The following MTA1 variants were observed in gnomAD, a reference collection of about 807,000 sequenced individuals.
MTA1 encodes metastasis-associated protein MTA1.
A neutral mutation model predicts 97.0 loss-of-function variants in MTA1; 15 were observed. The observed-to-expected ratio is 0.15, with a 90% CI of 0.10 to 0.24. The LOEUF is 0.24. MTA1 is among the 10% of genes least tolerant of loss of function. MTA1 has a pLI of 1.00. For missense variants in MTA1, 709 were observed against 1,015.1 expected (o/e 0.70, Z 4.10); for synonymous variants, 435 against 417.5 (o/e 1.04, Z -0.51).
intron 3 of MTA1, among the ~76,000 whole-genome samples, chr14:105,446,473 G>A (rs1321836592): frequency 6.6e-6 from 1 of 152,216 alleles, no homozygotes; most frequent in Non-Finnish European, 1.5e-5. Flanking sequence ...AGGGACTGTG[G>A]GTTTGCGGTG....
intron 7 of MTA1, among the ~76,000 whole-genome samples, chr14:105,456,198 G>A (rs2083146183): frequency 6.6e-6 from 1 of 152,274 alleles, no homozygotes; most frequent in East Asian, 1.9e-4. Context: ...CACCCAGGTG[G>A]AAAGGCAGAG....
At chr14:105,449,470 C>T (rs952096203) in intron 4 of MTA1, 61 bp downstream of exon 4, 5 of 1,566,510 alleles carry the variant, frequency 3.2e-6, no homozygotes, top group Non-Finnish European at 4.3e-6. Context: ...CTGGGGGCGG[C>T]AGCGCCGCTG....
Position 105,468,402 on chromosome 14 carries a change from G to A in MTA1, c.1814-1065G>A, listed in dbSNP as rs754403950. The A allele has an allele frequency of 7.1e-4, 921 of 1,299,172 alleles. 2 individuals carry two copies. Among genetic ancestry groups the A allele is most frequent in the Non-Finnish European group, 8.8e-4 (862 of 984,708 alleles). 80.5% of individuals were successfully genotyped at this position (1,299,172 alleles called of 1,614,324 possible). On this transcript the variant is annotated intron_variant, in intron 18 of 20. Coordinates refer to ENST00000331320, the MANE Select transcript of MTA1 (RefSeq NM_004689.4). ...CCCTGGGCGCTGGGCCTTGGCTTGT[G>A]GCAGGTGCCCTGAGGTATGGCTGTT...
Position 105,454,410 on chromosome 14 carries a change from T to G in MTA1, c.550+100T>G. 1 of 851,344 alleles carries G rather than the reference T, an allele frequency of 1.2e-6. No homozygotes were observed. The highest frequency in any genetic ancestry group is 2.0e-6 in the Non-Finnish European group (1 of 506,328). The allele number at this position is 851,344 out of a possible 1,614,324, so 52.7% of individuals were successfully genotyped here. On this transcript the variant is annotated intron_variant, in intron 7 of 20. Transcript: ENST00000331320. The stretch of plus-strand genomic sequence containing the variant: ...GGCTGGGACATGGCCGTGTCAGTGA[T>G]TCATGTGTGACTGGGGGCGGCAGGT...
chr14:105,421,833 G>A (rs1305962781), intron 1 of MTA1, among the ~76,000 whole-genome samples: 1 of 152,234 alleles, frequency 6.6e-6, no homozygotes, highest in Admixed American at 6.5e-5. Flanking sequence ...TCGTGGGGCT[G>A]CGCCGCCCTC....
chr14:105,460,797 C>T lies in MTA1; in HGVS notation c.786C>T (p.Ile262=), dbSNP rs1555430868. 1 of 1,606,154 alleles carries T rather than the reference C, an allele frequency of 6.2e-7. No individual in the cohort carries two copies. The highest frequency in any genetic ancestry group is 1.3e-5 in the African/African-American group (1 of 74,656). Residue 262 remains isoleucine (I), a synonymous_variant, in exon 10 of 21, where the codon ATC becomes ATT. Transcript: ENST00000331320. ...CCATGGATACTCTCCACAAGAACATCTACGACATCTCCAAGGCCATCTCGG... is the reference window on the plus strand; with the variant it reads ...CCATGGATACTCTCCACAAGAACATTTACGACATCTCCAAGGCCATCTCGG... ...FHAMDTLHKN[I]YDISKAISAL...
At chr14:105,469,724 G>A in intron 19 of MTA1, 117 bp from the exon 20 acceptor site, 1 of 1,428,344 alleles carries the variant, frequency 7.0e-7, no homozygotes, top group South Asian at 1.3e-5. Context: ...GGGGGTCCGT[G>A]TAACTCACTG....
intron 1 of MTA1, among the ~76,000 whole-genome samples, chr14:105,437,574 C>G (rs1466993315): frequency 6.6e-6 from 1 of 152,252 alleles, no homozygotes; most frequent in Non-Finnish European, 1.5e-5. Context: ...GAGATGCTCT[C>G]CAGGCCCCTC....
Position 105,420,303 on chromosome 14 carries a change from T to G in MTA1, c.28+240T>G, listed in dbSNP as rs2081784348. Among the ~76,000 whole-genome samples, 1 of 148,606 alleles carries G rather than the reference T, an allele frequency of 6.7e-6. No individual in the cohort carries two copies. The highest frequency in any genetic ancestry group is 1.5e-5 in the Non-Finnish European group (1 of 66,706). ...GCCCGGGGGTGGGGGGCGGCCCACC[T>G]GTTGGGGCCGAGGGGGCGGCCGCGG... On this transcript the variant is annotated intron_variant, in intron 1 of 20. Coordinates refer to ENST00000331320, the MANE Select transcript of MTA1 (RefSeq NM_004689.4). This position sits in a 1 kb window ranked among gnomAD's most constrained non-coding sequence, Gnocchi z 5.3.
chr14:105,429,162 C>G (rs1394373677), intron 1 of MTA1, among the ~76,000 whole-genome samples: 1 of 152,194 alleles, frequency 6.6e-6, no homozygotes, highest in East Asian at 1.9e-4. Flanking sequence ...TAGGGCCTCG[C>G]TCAGGCTGGG....
chr14:105,466,436 C>G lies in MTA1; in HGVS notation c.1635C>G (p.Pro545=). The G allele has an allele frequency of 7.1e-7, 1 of 1,403,456 alleles. No homozygotes were observed. Among genetic ancestry groups the G allele is most frequent in the Non-Finnish European group, 9.9e-7 (1 of 1,008,912 alleles). The allele number at this position is 1,403,456 out of a possible 1,614,324, so 86.9% of individuals were successfully genotyped here. A position where few individuals can be genotyped will look rare whatever the true frequency, so the allele number is the denominator to read the frequency against. The part of the protein sequence containing the change: ...EAVLRYLETH[P]RPPKPDPVKS... The stretch of plus-strand genomic sequence containing the variant: ...TGTCATTCCCGGCAGAGACCCACCC[C>G]CGCCCCCCCAAGCCTGACCCCGTGA... Residue 545 remains proline (P), a synonymous_variant, in exon 17 of 21, where the codon CCC becomes CCG. Coordinates refer to ENST00000331320, the MANE Select transcript of MTA1 (RefSeq NM_004689.4).
At chr14:105,423,215 ATTT>A (rs1166908446) in intron 1 of MTA1, among the ~76,000 whole-genome samples, 2 of 113,576 alleles carry the variant, frequency 1.8e-5, no homozygotes, top group Non-Finnish European at 3.6e-5. Context: ...TTTTTGTTTA[ATTT>A]TTTTTTTTTT....
intron 1 of MTA1, among the ~76,000 whole-genome samples, chr14:105,430,760 G>A (rs182145580): frequency 6.6e-5 from 10 of 152,212 alleles, no homozygotes; most frequent in East Asian, 1.9e-4. Flanking sequence ...GATGACTCAC[G>A]AGCTAAGAAT....
chr14:105,420,096 AC>A lies in MTA1; in HGVS notation c.28+36del. 3 of 866,006 alleles carry A rather than the reference AC, an allele frequency of 3.5e-6. No homozygotes were observed. The highest frequency in any genetic ancestry group is 4.2e-6 in the Non-Finnish European group (3 of 722,454). The allele number at this position is 866,006 out of a possible 1,614,324, so 53.6% of individuals were successfully genotyped here. A position where few individuals can be genotyped will look rare whatever the true frequency, so the allele number is the denominator to read the frequency against. ...CGCACCGCCTTTATGCCCGGCCCCG[AC>A]CCGCCCGCAGCCCCCACCCGCCGCC... On this transcript the variant is annotated intron_variant, in intron 1 of 20. Coordinates refer to ENST00000331320, the MANE Select transcript of MTA1 (RefSeq NM_004689.4). This position sits in a 1 kb window ranked among gnomAD's most constrained non-coding sequence, Gnocchi z 5.3.
chr14:105,461,971 A>G (rs886364248), intron 10 of MTA1, among the ~76,000 whole-genome samples: 1 of 152,220 alleles, frequency 6.6e-6, no homozygotes, highest in Non-Finnish European at 1.5e-5. Flanking sequence ...AAAATTCACC[A>G]ACTAGGCTCA....
chr14:105,468,198 G>A (rs1317674794), intron 18 of MTA1: 12 of 871,020 alleles, frequency 1.4e-5, no homozygotes, highest in African/African-American at 1.0e-4. Context: ...CCCACAGCAC[G>A]GGGCCCCAGC....
chr14:105,466,655 C>T (rs1382491577), intron 17 of MTA1, 52 bp from the exon 18 acceptor site: 31 of 1,598,706 alleles, frequency 1.9e-5, no homozygotes, highest in African/African-American at 5.4e-5. Flanking sequence ...GGGCACCCGC[C>T]GTGCGTGCTG....
intron 13 of MTA1, 96 bp from the exon 14 acceptor site, chr14:105,464,303 ACGTGTGGGGGTGCCTGG>A: frequency 7.9e-7 from 1 of 1,268,768 alleles, no homozygotes; most frequent in African/African-American, 1.6e-5. Context: ...GCCTCGGGGA[ACGTGTGGGGGTGCCTGG>A]CGGGTGGGGG....
intron 9 of MTA1, 42 bp from the exon 10 acceptor site, chr14:105,460,723 A>G (rs371587012): frequency 2.0e-6 from 3 of 1,519,004 alleles, no homozygotes; most frequent in Non-Finnish European, 2.6e-6. Context: ...GGTGCAGGAA[A>G]AGCCACCTTG....
Sources: allele counts gnomAD v4.1 joint callset (sites outside exome capture counted in the v4.1 genomes callset), GRCh38; gene constraint gnomAD v4.1.1; non-coding constraint Gnocchi (gnomAD v3.1); transcripts MANE v1.5; gene names NCBI Gene and HGNC (gene_info 2026-07-23, HGNC 2026-07-21).